TMEM132B: variants seen among roughly 807,000 people sequenced by gnomAD.
TMEM132B encodes the protein transmembrane protein 132B.
TMEM132B carries 18 observed loss-of-function variants against 90.8 expected under a neutral mutation model. The ratio of observed to expected loss-of-function variants is 0.20; its 90% CI spans 0.14 to 0.29. The LOEUF is 0.29. Among genes scored for constraint, TMEM132B ranks in the 10% least tolerant of loss-of-function variants. The pLI is 1.00. For missense variants in TMEM132B, 1,096 were observed against 1,326.8 expected, an observed-to-expected ratio of 0.83 and a Z score of 2.70; for synonymous variants, 504 against 523.3, an observed-to-expected ratio of 0.96 and a Z score of 0.50.
intron 4 of TMEM132B, among the ~76,000 whole-genome samples, chr12:125,543,479 C>T (rs557917900): frequency 2.0e-5 from 3 of 152,286 alleles, no homozygotes; most frequent in African/African-American, 7.2e-5. Context: ...TATGCAAATA[C>T]TGTATCATTT....
chr12:125,554,336 A>T (rs886161354), intron 4 of TMEM132B, among the ~76,000 whole-genome samples: 3 of 148,530 alleles, frequency 2.0e-5, no homozygotes, highest in Non-Finnish European at 4.5e-5. Flanking sequence ...GAGGCAGGAG[A>T]ATGGCGTGAA....
chr12:125,190,218 G>A (rs1270524606), intron 1 of TMEM132B, among the ~76,000 whole-genome samples: 1 of 152,156 alleles, frequency 6.6e-6, no homozygotes, highest in Non-Finnish European at 1.5e-5. Flanking sequence ...CCTGTACCTG[G>A]GAGCTCTTCT....
chr12:125,557,295 C>T (rs962510868), intron 4 of TMEM132B, among the ~76,000 whole-genome samples: 1 of 152,084 alleles, frequency 6.6e-6, no homozygotes, highest in African/African-American at 2.4e-5. Flanking sequence ...GTATCCTTTA[C>T]CTAGAAGACT....
intron 2 of TMEM132B, among the ~76,000 whole-genome samples, chr12:125,368,695 G>C (rs1375238562): frequency 6.6e-6 from 1 of 152,098 alleles, no homozygotes; most frequent in Non-Finnish European, 1.5e-5. Flanking sequence ...GTTCCTATAG[G>C]ACACATGCTC....
Position 125,225,818 on chromosome 12 carries a change from C to T in TMEM132B, c.67+38952C>T, listed in dbSNP as rs139534694. ...AAGTAGTGCACCTCCTTCTTACTTG[C>T]GTTCCATTAATTCAGGCTCAGTCAC... On this transcript the variant is annotated intron_variant, in intron 1 of 8. Coordinates refer to ENST00000682704, the MANE Select transcript of TMEM132B (RefSeq NM_001366854.1). Among the ~76,000 whole-genome samples the T allele has an allele frequency of 7.0e-4, 107 of 152,258 alleles. 1 individual carries two copies. The highest frequency in any genetic ancestry group is 4.8e-3 in the Admixed American group (73 of 15,298).
chr12:125,575,695 G>T (rs1009968689), intron 4 of TMEM132B, among the ~76,000 whole-genome samples: 1 of 151,832 alleles, frequency 6.6e-6, no homozygotes, highest in African/African-American at 2.4e-5. Flanking sequence ...TGGTTTGAGT[G>T]CTTAAATTTA....
chr12:125,369,734 G>A (rs1465877803), intron 2 of TMEM132B, among the ~76,000 whole-genome samples: 1 of 152,178 alleles, frequency 6.6e-6, no homozygotes. Context: ...TTTACCTATG[G>A]AGGTCATTGG....
chr12:125,517,768 A>G (rs1432754122), intron 3 of TMEM132B, among the ~76,000 whole-genome samples: 1 of 152,082 alleles, frequency 6.6e-6, no homozygotes, highest in Non-Finnish European at 1.5e-5. Flanking sequence ...TATTATTGTT[A>G]TTCACTCATT....
Position 125,653,788 on chromosome 12 carries a change from C to T in TMEM132B, c.2330C>T (p.Thr777Ile). The change falls in exon 9 of 9, where the codon ACC (threonine) becomes ATC (isoleucine). Residue 777 changes from threonine to isoleucine, a missense_variant. Coordinates refer to ENST00000682704, the MANE Select transcript of TMEM132B (RefSeq NM_001366854.1). The stretch of plus-strand genomic sequence containing the variant: ...ATGATAAGTGAACCTTGTCAGAAGA[C>T]CAAGAGGAAGAGTGTTCTTGCCGTG... ...EMMISEPCQK[T>I]KRKSVLAVGK... The T allele has an allele frequency of 6.2e-7, 1 of 1,614,094 alleles. No individual in the cohort carries two copies. The highest frequency in any genetic ancestry group is 8.5e-7 in the Non-Finnish European group (1 of 1,180,040).
intron 3 of TMEM132B, among the ~76,000 whole-genome samples, chr12:125,477,077 A>G (rs1426786406): frequency 3.3e-5 from 5 of 152,184 alleles, no homozygotes; most frequent in Admixed American, 3.3e-4. Context: ...TCAGGAAAAC[A>G]TTACTGCAAT....
At chr12:125,411,494 C>T (rs1430447554) in intron 2 of TMEM132B, among the ~76,000 whole-genome samples, 3 of 151,788 alleles carry the variant, frequency 2.0e-5, no homozygotes, top group African/African-American at 4.8e-5. Flanking sequence ...GCACATGTAC[C>T]CCAGAACTTA....
At chr12:125,633,966 C>A (rs1004070110) in intron 5 of TMEM132B, among the ~76,000 whole-genome samples, 4 of 152,216 alleles carry the variant, frequency 2.6e-5, no homozygotes, top group African/African-American at 9.6e-5. Flanking sequence ...TGGGGCTCTA[C>A]AATCAGCAGG....
chr12:125,303,622 A>G (rs1284570490), intron 1 of TMEM132B, among the ~76,000 whole-genome samples: 2 of 152,164 alleles, frequency 1.3e-5, no homozygotes, highest in East Asian at 1.9e-4. Flanking sequence ...AAGGGTTCCA[A>G]TTTCTCCATG....
Position 125,614,450 on chromosome 12 carries a change from C to CT in TMEM132B, c.1438-29619dup, listed in dbSNP as rs548792979. Among the ~76,000 whole-genome samples, 144 of 152,170 alleles carry CT rather than the reference C, an allele frequency of 9.5e-4. 2 individuals carry two copies. In the South Asian group the frequency reaches 0.022, roughly 23 times the overall value. On this transcript the variant is annotated intron_variant, in intron 5 of 8. Coordinates refer to ENST00000682704, the MANE Select transcript of TMEM132B (RefSeq NM_001366854.1). ...TTGCTGCAAAGGACATGATTTCATT[C>CT]TTTTTTTATGGCTGCATAGTACTCC...
intron 3 of TMEM132B, among the ~76,000 whole-genome samples, chr12:125,434,073 G>T (rs1402792835): frequency 6.6e-6 from 1 of 152,216 alleles, no homozygotes; most frequent in Admixed American, 6.5e-5. Flanking sequence ...GGGGTGTTAA[G>T]TCAAGGCATT....
intron 5 of TMEM132B, among the ~76,000 whole-genome samples, chr12:125,642,866 C>T (rs1414749066): frequency 3.9e-5 from 6 of 152,164 alleles, no homozygotes. Context: ...CCATGTCAAG[C>T]TACAGTGTAG....
intron 3 of TMEM132B, among the ~76,000 whole-genome samples, chr12:125,514,344 G>A (rs753362112): frequency 6.6e-6 from 1 of 152,186 alleles, no homozygotes; most frequent in Admixed American, 6.5e-5. Flanking sequence ...GTACAGGCAC[G>A]TCTGTGTCCT....
intron 1 of TMEM132B, among the ~76,000 whole-genome samples, chr12:125,274,735 G>C (rs912007513): frequency 7.2e-5 from 11 of 152,154 alleles, no homozygotes; most frequent in African/African-American, 2.4e-4. Context: ...TTAGTTGGTT[G>C]AGAACTTGGG....
intron 3 of TMEM132B, among the ~76,000 whole-genome samples, chr12:125,478,914 C>T (rs1030148981): frequency 2.0e-5 from 3 of 152,300 alleles, no homozygotes; most frequent in Admixed American, 6.5e-5. Context: ...GCAGATCTCT[C>T]GGCAGAAACC....
Sources: allele counts gnomAD v4.1 joint callset (sites outside exome capture counted in the v4.1 genomes callset), GRCh38; gene constraint gnomAD v4.1.1; transcripts MANE v1.5; gene names NCBI Gene and HGNC (gene_info 2026-07-23, HGNC 2026-07-21).